The following PCDHGA4 variants were observed in gnomAD, a reference collection of about 807,000 sequenced individuals.
The protein encoded by PCDHGA4 is protocadherin gamma-A4.
A neutral mutation model predicts 54.6 loss-of-function variants in PCDHGA4; 38 were observed. The ratio of observed to expected loss-of-function variants is 0.70; its 90% CI spans 0.54 to 0.91. PCDHGA4 has a LOEUF of 0.91. PCDHGA4 is among the 40% of genes least tolerant of loss of function. The pLI, the probability that PCDHGA4 is intolerant of heterozygous loss-of-function variation, is 0.00. For synonymous variants in PCDHGA4, 511 were observed against 512.9 expected, an observed-to-expected ratio of 1.00 and a Z score of 0.05; for missense variants, 1,298 against 1,220.9, an observed-to-expected ratio of 1.06 and a Z score of -0.94.
At chr5:141,375,014 G>C in intron 1 of PCDHGA4, 1 of 1,614,004 alleles carries the variant, frequency 6.2e-7, no homozygotes, top group Non-Finnish European at 8.5e-7. Flanking sequence ...AGACTATGAG[G>C]ACTCGAGTTT....
intron 1 of PCDHGA4, among the ~76,000 whole-genome samples, chr5:141,455,489 A>T (rs925133619): frequency 3.9e-5 from 6 of 152,152 alleles, no homozygotes; most frequent in African/African-American, 4.8e-5. Context: ...GGTGGAGGTG[A>T]TGTCTGATTT....
At position 141,485,968 on chromosome 5, in the gene PCDHGA4, T is replaced by C; in HGVS notation, c.2515-8839T>C. On this transcript the variant is annotated intron_variant, in intron 1 of 3. Coordinates refer to ENST00000571252, the MANE Select transcript of PCDHGA4 (RefSeq NM_018917.4). The surrounding 1 kb of genome is among the most constrained non-coding windows in gnomAD (Gnocchi z 5.7). The stretch of plus-strand genomic sequence containing the variant: ...CGGGCATGGTGCTCATCCAGCTCAA[T>C]GCCTCAGACCCGGACCTGGGTCCCA... 6.2e-7 allele frequency: 1 copy of C among 1,614,216 alleles called. No homozygotes were observed. The highest frequency in any genetic ancestry group is 1.1e-5 in the South Asian group (1 of 91,088).
chr5:141,403,181 C>G (rs1182793881), intron 1 of PCDHGA4: 2 of 1,614,006 alleles, frequency 1.2e-6, no homozygotes, highest in Non-Finnish European at 1.7e-6. Context: ...GCTTTTCTCT[C>G]TGAACCCGCG....
chr5:141,489,563 T>C lies in PCDHGA4; in HGVS notation c.2515-5244T>C, dbSNP rs2099689031. ...ACCAGCTGCCTGCTGCCAGTGCAGG[T>C]GGTGACTGAACACCCCCTGGAGCTA... On this transcript the variant is annotated intron_variant, in intron 1 of 3. Coordinates refer to ENST00000571252, the MANE Select transcript of PCDHGA4 (RefSeq NM_018917.4). The surrounding 1 kb of genome is among the most constrained non-coding windows in gnomAD (Gnocchi z 4.5). 13 of 1,614,006 alleles carry C rather than the reference T, an allele frequency of 8.1e-6. No homozygotes were observed. The highest frequency in any genetic ancestry group is 1.1e-5 in the Non-Finnish European group (13 of 1,179,976).
In PCDHGA4 at chr5:141,419,702, G is replaced by A. The variant is rs116279995; in HGVS notation, c.2514+62081G>A. 1.9e-3 allele frequency: 3,028 copies of A among 1,612,950 alleles called. 48 individuals are homozygous for A. In the African/African-American group the frequency reaches 0.033, roughly 18 times the overall value. The stretch of plus-strand genomic sequence containing the variant: ...CCACGTGGTGCAGGCCAGTGAGCCC[G>A]GGCTCTTCAGCCTGGGGCTGCGAAC... On this transcript the variant is annotated intron_variant, in intron 1 of 3. Transcript: ENST00000571252.
chr5:141,463,965 C>T (rs1207852177), intron 1 of PCDHGA4, among the ~76,000 whole-genome samples: 1 of 151,648 alleles, frequency 6.6e-6, no homozygotes, highest in African/African-American at 2.4e-5. Context: ...AAAATAGCTT[C>T]ATAAAACTCC....
intron 1 of PCDHGA4, chr5:141,478,446 G>A: frequency 6.2e-7 from 1 of 1,613,520 alleles, no homozygotes; most frequent in Non-Finnish European, 8.5e-7. Flanking sequence ...AAGAAACCTG[G>A]TGCAGCCAGT....
intron 1 of PCDHGA4, chr5:141,394,070 T>C: frequency 6.2e-7 from 1 of 1,613,848 alleles, no homozygotes; most frequent in Non-Finnish European, 8.5e-7. Context: ...CTATCTACAA[T>C]ATCACAGTGA....
intron 1 of PCDHGA4, chr5:141,478,242 T>C (rs750487479): frequency 6.2e-7 from 1 of 1,614,156 alleles, no homozygotes; most frequent in Admixed American, 1.7e-5. Context: ...GTGGTCACAG[T>C]GTTCGGAGTA....
intron 1 of PCDHGA4, chr5:141,478,144 G>A (rs2099432883): frequency 6.2e-7 from 1 of 1,613,918 alleles, no homozygotes; most frequent in Non-Finnish European, 8.5e-7. Flanking sequence ...CCCGAGCCGA[G>A]TTCCCCTCTG....
At chr5:141,438,063 A>G (rs540817874) in intron 1 of PCDHGA4, among the ~76,000 whole-genome samples, 11 of 152,224 alleles carry the variant, frequency 7.2e-5, no homozygotes, top group Non-Finnish European at 1.5e-4. Context: ...CTTTTAAGAA[A>G]CCATACTTAA....
At chr5:141,427,397 T>C (rs944166415) in intron 1 of PCDHGA4, 2 of 460,626 alleles carry the variant, frequency 4.3e-6, no homozygotes, top group South Asian at 1.5e-5. Flanking sequence ...AAACACATGA[T>C]AAAGATTCGA....
chr5:141,495,434 G>A (rs1038100521), intron 2 of PCDHGA4, among the ~76,000 whole-genome samples: 2 of 152,196 alleles, frequency 1.3e-5, no homozygotes, highest in Non-Finnish European at 2.9e-5. Flanking sequence ...ACTGTCCTCT[G>A]CCCCTACTTG....
chr5:141,394,997 C>T lies in PCDHGA4; in HGVS notation c.2514+37376C>T, dbSNP rs771459458. On this transcript the variant is annotated intron_variant, in intron 1 of 3. Coordinates refer to ENST00000571252, the MANE Select transcript of PCDHGA4 (RefSeq NM_018917.4). ...ACAAGTCACGCCTGCTCCAGGATTC[C>T]GGTGGCAGATTGGTAGGCGTGCCTG... 3.4e-5 allele frequency: 55 copies of T among 1,613,898 alleles called. No individual in the cohort carries two copies. In the East Asian group the frequency reaches 1.1e-3, roughly 32 times the overall value.
chr5:141,412,952 T>C, intron 1 of PCDHGA4: 1 of 482,218 alleles, frequency 2.1e-6, no homozygotes, highest in Non-Finnish European at 3.6e-6. Context: ...AGCGCCGCTG[T>C]TCACCTACTA....
At chr5:141,404,806 G>A (rs774487660) in intron 1 of PCDHGA4, 29 of 1,613,874 alleles carry the variant, frequency 1.8e-5, no homozygotes, top group South Asian at 1.3e-4. Context: ...GGCTCTTCTC[G>A]GTGGGGCTGC....
intron 1 of PCDHGA4, chr5:141,384,815 A>G (rs1780542398): frequency 5.6e-6 from 9 of 1,613,482 alleles, no homozygotes; most frequent in East Asian, 2.2e-5. Flanking sequence ...GATGCCCTCA[A>G]GCAGAGCCTC....
chr5:141,413,981 C>A (rs563161887), intron 1 of PCDHGA4: 1 of 1,613,452 alleles, frequency 6.2e-7, no homozygotes, highest in Admixed American at 1.7e-5. Context: ...CTGACAGTCA[C>A]AGCCACCGAC....
chr5:141,472,980 C>CAAAAAAAAAAAAAAAAAAAAAAAAAAAA (rs60579131), intron 1 of PCDHGA4, among the ~76,000 whole-genome samples: 1 of 86,106 alleles, frequency 1.2e-5, no homozygotes, highest in Non-Finnish European at 2.5e-5. Flanking sequence ...GAGTGAAACT[C>CAAAAAAAAAAAAAAAAAAAAAAAAAAAA]AAAAAAAAAA....
Sources: allele counts gnomAD v4.1 joint callset (sites outside exome capture counted in the v4.1 genomes callset), GRCh38; gene constraint gnomAD v4.1.1; non-coding constraint Gnocchi (gnomAD v3.1); transcripts MANE v1.5; gene names NCBI Gene and HGNC (gene_info 2026-07-23, HGNC 2026-07-21).